GIN1: variants seen among roughly 807,000 people sequenced by gnomAD.
The protein encoded by GIN1 is gypsy retrotransposon integrase-like protein 1.
Under a neutral mutation model 51.4 loss-of-function variants are expected in GIN1, and 41 were observed. The ratio of observed to expected loss-of-function variants is 0.80; its 90% CI spans 0.62 to 1.04. The LOEUF (loss-of-function observed/expected upper bound fraction) is 1.04. Among genes scored for constraint, GIN1 ranks in the 50% least tolerant of loss-of-function variants. The pLI is 0.00. For synonymous variants in GIN1, 222 were observed against 206.5 expected, an observed-to-expected ratio of 1.07 and a Z score of -0.64; for missense variants, 610 against 612.4, an observed-to-expected ratio of 1.00 and a Z score of 0.04.
Position 103,117,304 on chromosome 5 carries a change from T to C in GIN1, c.-8+2760A>G, listed in dbSNP as rs144925669. 4.6e-3 allele frequency among the ~76,000 whole-genome samples: 693 copies of C among 152,228 alleles called. 5 individuals are homozygous for C. The highest frequency in any genetic ancestry group is 0.016 in the African/African-American group (678 of 41,580). On this transcript the variant is annotated intron_variant, in intron 1 of 7. Transcript: ENST00000399004. The stretch of plus-strand genomic sequence containing the variant: ...CAGACACAAATGGCTATATATTTTA[T>C]ATTTCTGTTTATATGACATCTGGAA...
intron 7 of GIN1, among the ~76,000 whole-genome samples, chr5:103,096,029 T>G (rs891887131): frequency 6.6e-6 from 1 of 151,940 alleles, no homozygotes; most frequent in Non-Finnish European, 1.5e-5. Flanking sequence ...ACATAAACTA[T>G]GAAAAACATA....
chr5:103,094,831 G>A (rs1420251823), intron 7 of GIN1, among the ~76,000 whole-genome samples: 1 of 152,132 alleles, frequency 6.6e-6, no homozygotes, highest in Non-Finnish European at 1.5e-5. Flanking sequence ...CTGAGAAGAG[G>A]TACAAACAAT....
chr5:103,086,970 G>C lies in GIN1; in HGVS notation c.*928C>G, dbSNP rs781820865. On this transcript the variant is annotated 3_prime_UTR_variant, in exon 8 of 8. Transcript: ENST00000399004. ...TATGATTGCAGAAAAAATTCTTAACGGATACTTTTGTTGTTGTTGTTGAGA... is the reference window on the plus strand; with the variant it reads ...TATGATTGCAGAAAAAATTCTTAACCGATACTTTTGTTGTTGTTGTTGAGA... The C allele has an allele frequency of 6.6e-6, 1 of 152,002 alleles. No homozygotes were observed. The highest frequency in any genetic ancestry group is 6.5e-5 in the Admixed American group (1 of 15,268). 9.4% of individuals were successfully genotyped at this position (152,002 alleles called of 1,614,324 possible).
chr5:103,094,210 A>C (rs1787331357), intron 7 of GIN1, among the ~76,000 whole-genome samples: 1 of 152,188 alleles, frequency 6.6e-6, no homozygotes, highest in Non-Finnish European at 1.5e-5. Flanking sequence ...AAAGATTTTC[A>C]AGAAAGTATG....
chr5:103,102,217 T>A (rs782591446), intron 4 of GIN1: 1 of 152,214 alleles, frequency 6.6e-6, no homozygotes, highest in African/African-American at 2.4e-5. Flanking sequence ...TAAAATCATA[T>A]TACAGATATA....
At chr5:103,106,054 A>G (rs1787714940) in intron 3 of GIN1, among the ~76,000 whole-genome samples, 1 of 152,202 alleles carries the variant, frequency 6.6e-6, no homozygotes, top group African/African-American at 2.4e-5. Context: ...TACTACTACA[A>G]TTATTAAGGA....
chr5:103,095,436 G>A (rs375127422), intron 7 of GIN1, among the ~76,000 whole-genome samples: 6 of 152,260 alleles, frequency 3.9e-5, no homozygotes, highest in African/African-American at 1.4e-4. Context: ...ATAGCATTCT[G>A]AGGATTCCCC....
At chr5:103,093,366 T>A (rs782610342) in intron 7 of GIN1, among the ~76,000 whole-genome samples, 1 of 152,088 alleles carries the variant, frequency 6.6e-6, no homozygotes, top group East Asian at 1.9e-4. Flanking sequence ...CCCACTATTG[T>A]TGGCTTTGAA....
At chr5:103,107,763 C>G (rs188461288) in intron 2 of GIN1, among the ~76,000 whole-genome samples, 8 of 152,130 alleles carry the variant, frequency 5.3e-5, no homozygotes, top group Non-Finnish European at 1.0e-4. Flanking sequence ...TGAAAGAATC[C>G]TCACTTTAGT....
chr5:103,112,099 A>C (rs1554196979), intron 1 of GIN1, among the ~76,000 whole-genome samples: 1 of 152,174 alleles, frequency 6.6e-6, no homozygotes, highest in Non-Finnish European at 1.5e-5. Flanking sequence ...AGCACTACAA[A>C]AATCTTTGGA....
intron 3 of GIN1, among the ~76,000 whole-genome samples, chr5:103,105,881 A>C (rs181015518): frequency 1.4e-3 from 219 of 152,342 alleles, no homozygotes; most frequent in Non-Finnish European, 2.8e-3. Context: ...ACAATTTGAC[A>C]AAGATTTCAC....
In GIN1 at chr5:103,098,071, C is replaced by T. The variant is rs557388566; in HGVS notation, c.640-290G>A. Among the ~76,000 whole-genome samples, 210 of 152,150 alleles carry T rather than the reference C, an allele frequency of 1.4e-3. 1 individual carries two copies. The highest frequency in any genetic ancestry group is 2.5e-3 in the Non-Finnish European group (169 of 67,986). On this transcript the variant is annotated intron_variant, in intron 4 of 7. Coordinates refer to ENST00000399004, the MANE Select transcript of GIN1 (RefSeq NM_017676.2). ...CTAATTTTCGTATTTCTAGTAGAGA[C>T]GGGGTTTCACCATATTGGCCAGGCT...
intron 3 of GIN1, 30 bp downstream of exon 3, chr5:103,106,686 T>C: frequency 7.9e-7 from 1 of 1,266,904 alleles, no homozygotes; most frequent in Non-Finnish European, 1.1e-6. Context: ...AAAGACATTA[T>C]TCATAATACT....
intron 7 of GIN1, among the ~76,000 whole-genome samples, chr5:103,089,585 T>A (rs1787179344): frequency 6.6e-6 from 1 of 152,022 alleles, no homozygotes; most frequent in African/African-American, 2.4e-5. Context: ...GCCTCCCAAA[T>A]AGCTGGGACC....
chr5:103,089,461 T>C (rs60269153), intron 7 of GIN1, among the ~76,000 whole-genome samples: 37,081 of 149,398 alleles, frequency 0.25, 4,989 homozygotes, highest in East Asian at 0.44. Flanking sequence ...CATTCATTCA[T>C]TCACTCATTC....
At position 103,108,728 on chromosome 5, in the gene GIN1, A is replaced by G; in HGVS notation, c.-7-14T>C. The stretch of plus-strand genomic sequence containing the variant: ...ACCATTGTGAACCTAGGTAAAAGGT[A>G]TTTAAAAAGATAACTTAAATTTTAA... On this transcript the variant is annotated splice_polypyrimidine_tract_variant and intron_variant, in intron 1 of 7. Coordinates refer to ENST00000399004, the MANE Select transcript of GIN1 (RefSeq NM_017676.2). The G allele has an allele frequency of 6.5e-7, 1 of 1,544,446 alleles. No individual in the cohort carries two copies. The highest frequency in any genetic ancestry group is 8.8e-7 in the Non-Finnish European group (1 of 1,132,200).
At chr5:103,093,893 T>G (rs1191986570) in intron 7 of GIN1, among the ~76,000 whole-genome samples, 1 of 152,168 alleles carries the variant, frequency 6.6e-6, no homozygotes, top group Non-Finnish European at 1.5e-5. Context: ...TGAAAAATAT[T>G]GTATACCTAG....
At chr5:103,119,574 T>C (rs1554198140) in intron 1 of GIN1, among the ~76,000 whole-genome samples, 1 of 152,220 alleles carries the variant, frequency 6.6e-6, no homozygotes, top group African/African-American at 2.4e-5. Flanking sequence ...CTTTTAAAAC[T>C]ACGTGACAGG....
At chr5:103,097,265 T>C (rs561503755) in intron 6 of GIN1, 49 bp downstream of exon 6, 5 of 1,121,918 alleles carry the variant, frequency 4.5e-6, no homozygotes, top group South Asian at 2.8e-5. Flanking sequence ...AAAATAAATA[T>C]AACTTTTATA....
Sources: allele counts gnomAD v4.1 joint callset (sites outside exome capture counted in the v4.1 genomes callset), GRCh38; gene constraint gnomAD v4.1.1; transcripts MANE v1.5; gene names NCBI Gene and HGNC (gene_info 2026-07-23, HGNC 2026-07-21).